Variants in SEMA3A observed in about 807,000 individuals in gnomAD.
SEMA3A encodes semaphorin 3A.
In SEMA3A, 29 loss-of-function variants were observed where a neutral mutation model predicts 97.9. The ratio of observed to expected loss-of-function variants is 0.30; its 90% confidence interval spans 0.22 to 0.40. SEMA3A has a LOEUF of 0.40. SEMA3A is among the 10% of genes least tolerant of loss of function. The pLI is 1.00. For synonymous variants in SEMA3A, 321 were observed against 323.7 expected (o/e 0.99, Z 0.09); for missense variants, 763 against 951.3 (o/e 0.80, Z 2.60).
chr7:84,352,378 G>C (rs560472427), intron 2 of SEMA3A, among the ~76,000 whole-genome samples: 2 of 151,016 alleles, frequency 1.3e-5, no homozygotes, highest in Non-Finnish European at 3.0e-5. Context: ...AACAAAAAGA[G>C]TATAATTGGA....
intron 3 of SEMA3A, among the ~76,000 whole-genome samples, chr7:84,215,509 A>G (rs1798731370): frequency 6.6e-6 from 1 of 152,226 alleles, no homozygotes; most frequent in Admixed American, 6.5e-5. Context: ...CTCATTTTGA[A>G]TAAGACTGTG....
chr7:84,462,983 C>CAAG, intron 1 of SEMA3A, among the ~76,000 whole-genome samples: 1 of 152,180 alleles, frequency 6.6e-6, no homozygotes, highest in Non-Finnish European at 1.5e-5. Context: ...ACTAGCCCTT[C>CAAG]CTCTTATAGT....
chr7:84,229,119 A>G (rs1799058746), intron 3 of SEMA3A, among the ~76,000 whole-genome samples: 1 of 152,038 alleles, frequency 6.6e-6, no homozygotes, highest in Non-Finnish European at 1.5e-5. Flanking sequence ...AAACATGGAT[A>G]TAGTTTTACA....
intron 3 of SEMA3A, among the ~76,000 whole-genome samples, chr7:84,201,755 A>C (rs1441621665): frequency 1.3e-5 from 2 of 152,180 alleles, no homozygotes; most frequent in Non-Finnish European, 2.9e-5. Context: ...CAAACAGAAC[A>C]GAAATAACAT....
chr7:84,260,783 G>A (rs1322359059), intron 3 of SEMA3A, among the ~76,000 whole-genome samples: 5 of 152,196 alleles, frequency 3.3e-5, no homozygotes, highest in Admixed American at 2.6e-4. Context: ...AGCATGAACA[G>A]CCTGTGCGTC....
At chr7:84,290,670 T>C (rs919693866) in intron 3 of SEMA3A, among the ~76,000 whole-genome samples, 2 of 152,086 alleles carry the variant, frequency 1.3e-5, no homozygotes, top group African/African-American at 2.4e-5. Flanking sequence ...TAACTATTCA[T>C]TTGAAATCTG....
chr7:84,073,479 G>A (rs1265110958), intron 4 of SEMA3A, among the ~76,000 whole-genome samples: 1 of 152,160 alleles, frequency 6.6e-6, no homozygotes, highest in Non-Finnish European at 1.5e-5. Flanking sequence ...ATTAAAAGAT[G>A]AAGCTGGAAA....
chr7:84,110,178 C>G (rs1795234342), intron 4 of SEMA3A, among the ~76,000 whole-genome samples: 1 of 152,142 alleles, frequency 6.6e-6, no homozygotes, highest in South Asian at 2.1e-4. Context: ...GGAGAAAACA[C>G]CACACATTCA....
At chr7:84,109,960 A>T (rs1339861141) in intron 4 of SEMA3A, among the ~76,000 whole-genome samples, 1 of 152,158 alleles carries the variant, frequency 6.6e-6, no homozygotes, top group Non-Finnish European at 1.5e-5. Flanking sequence ...TCTTTTCCAT[A>T]CCACCAAATT....
At chr7:84,442,339 A>G (rs918478368) in intron 1 of SEMA3A, among the ~76,000 whole-genome samples, 2 of 152,140 alleles carry the variant, frequency 1.3e-5, no homozygotes, top group Non-Finnish European at 2.9e-5. Context: ...GGATGGGGAG[A>G]AGCCTCTTAA....
intron 2 of SEMA3A, among the ~76,000 whole-genome samples, chr7:84,359,141 G>A: frequency 6.6e-6 from 1 of 152,030 alleles, no homozygotes; most frequent in Non-Finnish European, 1.5e-5. Context: ...TCTTTCTCCT[G>A]CCTGATTGCC....
chr7:84,400,021 C>T (rs185968461), intron 1 of SEMA3A, among the ~76,000 whole-genome samples: 3 of 152,294 alleles, frequency 2.0e-5, no homozygotes, highest in Non-Finnish European at 2.9e-5. Context: ...TCCTTATGCC[C>T]ATCAGGGCTG....
At chr7:84,322,823 A>G (rs1180733186) in intron 2 of SEMA3A, among the ~76,000 whole-genome samples, 2 of 152,228 alleles carry the variant, frequency 1.3e-5, no homozygotes, top group East Asian at 3.8e-4. Context: ...AAATCACATC[A>G]GTCATGTTTA....
rs1206976600 is a variant in SEMA3A at position 84,060,461 on chromosome 7, G to A, written c.547+4C>T. 7.7e-6 allele frequency: 12 copies of A among 1,561,052 alleles called. No homozygotes were observed. The highest frequency in any genetic ancestry group is 2.3e-5 in the East Asian group (1 of 42,918). ...CACTATTTAATTGATTGTTGACTACGCACCTATTAAAAGGGATGCTGTCAG... is the reference window on the plus strand; with the variant it reads ...CACTATTTAATTGATTGTTGACTACACACCTATTAAAAGGGATGCTGTCAG... On this transcript the variant is annotated splice_donor_region_variant and intron_variant, in intron 5 of 16. Coordinates refer to ENST00000265362, the MANE Select transcript of SEMA3A (RefSeq NM_006080.3).
intron 1 of SEMA3A, among the ~76,000 whole-genome samples, chr7:84,458,116 T>A (rs1000317212): frequency 6.6e-6 from 1 of 152,034 alleles, no homozygotes; most frequent in Non-Finnish European, 1.5e-5. Context: ...GATGACATAA[T>A]TCAAATTTTA....
rs1387285689 is a variant in SEMA3A, at chr7:84,424,485, T to TAGATATA, written c.-245-52586_-245-52585insTATATCT. Among the ~76,000 whole-genome samples the TAGATATA allele has an allele frequency of 1.2e-3, 99 of 84,002 alleles. 1 individual carries two copies. Among genetic ancestry groups the TAGATATA allele is most frequent in the Non-Finnish European group, 1.6e-3 (70 of 43,786 alleles). 55.1% of individuals were successfully genotyped at this position (84,002 alleles called of 152,430 possible). ...AATTTAATATACAATATATAATATA[T>TAGATATA]TGATATATAATATATAATATATAAA... On this transcript the variant is annotated intron_variant, in intron 1 of 3. Transcript: ENST00000424555.
chr7:84,332,819 T>C lies in SEMA3A; in HGVS notation c.-168-25527A>G, dbSNP rs868511009. On this transcript the variant is annotated intron_variant, in intron 2 of 3. Coordinates refer to the SEMA3A transcript ENST00000424555. ...TATATTAAAACATTGAGTACCTTTATTAAGTTTACTATACTGAAATATGTT... is the reference window on the plus strand; with the variant it reads ...TATATTAAAACATTGAGTACCTTTACTAAGTTTACTATACTGAAATATGTT... Among the ~76,000 whole-genome samples the C allele has an allele frequency of 1.1e-4, 16 of 152,214 alleles. 1 individual carries two copies. The highest frequency in any genetic ancestry group is 4.1e-4 in the South Asian group (2 of 4,832).
chr7:84,218,237 C>A (rs1798794894), intron 3 of SEMA3A, among the ~76,000 whole-genome samples: 1 of 151,916 alleles, frequency 6.6e-6, no homozygotes, highest in Admixed American at 6.6e-5. Context: ...TATTGCAGAT[C>A]TTTGGTCCTT....
chr7:84,183,354 C>T (rs977155515), intron 1 of SEMA3A, among the ~76,000 whole-genome samples: 2 of 152,032 alleles, frequency 1.3e-5, no homozygotes, highest in Non-Finnish European at 2.9e-5. Context: ...CATTAATTTT[C>T]AATAGGCCAA....
Sources: gnomAD v4.1 joint callset for allele counts (sites outside exome capture counted in the v4.1 genomes callset) on GRCh38, gnomAD v4.1.1 for gene constraint, MANE v1.5 for transcripts, NCBI Gene and HGNC (gene_info 2026-07-23, HGNC 2026-07-21) for gene names.